CSMD3: variants seen among roughly 807,000 people sequenced by gnomAD.
CSMD3 encodes CUB and Sushi multiple domains 3.
In CSMD3, 177 loss-of-function variants were observed where a neutral mutation model predicts 435.2. The ratio of observed to expected loss-of-function variants is 0.41; its 90% CI spans 0.36 to 0.46. CSMD3 has a LOEUF of 0.46. CSMD3 is among the 20% of genes least tolerant of loss of function. The pLI is 0.34. For synonymous variants in CSMD3, 1,656 were observed against 1,520.5 expected (o/e 1.09, Z -2.07); for missense variants, 4,265 against 4,504.6 (o/e 0.95, Z 1.52).
At chr8:113,034,531 T>C (rs1230962375) in intron 5 of CSMD3, among the ~76,000 whole-genome samples, 1 of 152,116 alleles carries the variant, frequency 6.6e-6, no homozygotes, top group African/African-American at 2.4e-5. Context: ...GTGCTCCTGC[T>C]GTTGGTGGTG....
At chr8:113,015,526 C>T (rs1207716416) in intron 6 of CSMD3, among the ~76,000 whole-genome samples, 7 of 151,758 alleles carry the variant, frequency 4.6e-5, no homozygotes, top group Non-Finnish European at 8.8e-5. Flanking sequence ...CATATATTTA[C>T]ATATTTAAAA....
chr8:113,270,044 A>C (rs1303670460), intron 3 of CSMD3, among the ~76,000 whole-genome samples: 1 of 151,776 alleles, frequency 6.6e-6, no homozygotes, highest in Non-Finnish European at 1.5e-5. Context: ...GAATGGGAGA[A>C]AATTTTTGCA....
chr8:112,835,516 A>C (rs1423951508), intron 11 of CSMD3, among the ~76,000 whole-genome samples: 1 of 151,870 alleles, frequency 6.6e-6, no homozygotes, highest in Non-Finnish European at 1.5e-5. Flanking sequence ...TTGTCTGGGA[A>C]ATTAGGAATC....
In CSMD3 at chr8:112,937,352, GT is replaced by G. The variant is rs5894122; in HGVS notation, c.1508+10437del. ...TTTGTTTTTGGACCTAGGTAATAAT[GT>G]TTTTTTTTTTTTTTTGAGACAGAGT... On this transcript the variant is annotated intron_variant, in intron 9 of 70. Transcript: ENST00000297405. Among the ~76,000 whole-genome samples, 192 of 135,254 alleles carry G rather than the reference GT, an allele frequency of 1.4e-3. 1 individual carries two copies. In the East Asian group the frequency reaches 0.018, roughly 13 times the overall value. 88.7% of individuals were successfully genotyped at this position (135,254 alleles called of 152,430 possible). A position where few individuals can be genotyped will look rare whatever the true frequency, so the allele number is the denominator to read the frequency against.
chr8:112,310,205 T>A (rs572843562), intron 50 of CSMD3: 1 of 152,340 alleles, frequency 6.6e-6, no homozygotes, highest in Non-Finnish European at 1.5e-5. Context: ...AAAACAAGTC[T>A]TTTTGTTTTG....
intron 40 of CSMD3, among the ~76,000 whole-genome samples, chr8:112,348,278 T>A (rs1046747854): frequency 2.9e-4 from 44 of 152,230 alleles, no homozygotes; most frequent in African/African-American, 9.9e-4. Context: ...ACACTCTTTT[T>A]GTTAGGGACA....
chr8:113,386,766 T>G (rs901334871), intron 1 of CSMD3, among the ~76,000 whole-genome samples: 4 of 151,870 alleles, frequency 2.6e-5, no homozygotes, highest in East Asian at 1.9e-4. Flanking sequence ...ATAAGATTAC[T>G]GAGCCTCACT....
intron 10 of CSMD3, among the ~76,000 whole-genome samples, chr8:112,883,601 G>C (rs963509140): frequency 1.3e-5 from 2 of 151,792 alleles, no homozygotes; most frequent in Admixed American, 1.3e-4. Flanking sequence ...AAATTGTACA[G>C]AGAGTTCCCA....
At position 112,689,978 on chromosome 8, in the gene CSMD3, T is replaced by A. The variant is rs762971265; in HGVS notation, c.2045A>T (p.Asn682Ile). ...YGIREGDGFS[N>I]RDVLRFECQF... ...GCATTCAAACCTTAAAACATCACGA[T>A]TAGAAAATCCATCGCCTTCTCTAAT... The change falls in exon 14 of 71, where the codon AAT becomes ATT. Residue 682 changes from asparagine to isoleucine, a missense_variant. Coordinates refer to ENST00000297405, the MANE Select transcript of CSMD3 (RefSeq NM_198123.2). The A allele has an allele frequency of 6.2e-7, 1 of 1,613,224 alleles. No homozygotes were observed. Among genetic ancestry groups the A allele is most frequent in the Non-Finnish European group, 8.5e-7 (1 of 1,179,386 alleles).
At chr8:113,300,615 C>T (rs1408530656) in intron 2 of CSMD3, among the ~76,000 whole-genome samples, 2 of 152,034 alleles carry the variant, frequency 1.3e-5, no homozygotes, top group Non-Finnish European at 2.9e-5. Context: ...CATATTCTCA[C>T]TTGTAAGGAA....
chr8:112,926,341 C>A (rs1193113135), intron 9 of CSMD3, among the ~76,000 whole-genome samples: 1 of 151,892 alleles, frequency 6.6e-6, no homozygotes, highest in Non-Finnish European at 1.5e-5. Flanking sequence ...CAAGCTGTAT[C>A]CACTGAAATT....
chr8:113,288,440 T>G (rs1359496264), intron 2 of CSMD3, among the ~76,000 whole-genome samples: 1 of 151,884 alleles, frequency 6.6e-6, no homozygotes, highest in Non-Finnish European at 1.5e-5. Context: ...ACTAAAAATT[T>G]TCTTCAAAAG....
intron 13 of CSMD3, among the ~76,000 whole-genome samples, chr8:112,698,316 C>T (rs1043470686): frequency 2.0e-5 from 3 of 151,908 alleles, no homozygotes; most frequent in Admixed American, 2.0e-4. Context: ...ATGAATATAA[C>T]TAGATATAAA....
At chr8:112,892,091 T>C (rs931401760) in intron 10 of CSMD3, among the ~76,000 whole-genome samples, 13 of 151,642 alleles carry the variant, frequency 8.6e-5, no homozygotes, top group African/African-American at 2.9e-4. Context: ...TTATTAGAAA[T>C]CCATGTATTT....
At chr8:112,502,710 T>G (rs1822098579) in intron 30 of CSMD3, among the ~76,000 whole-genome samples, 1 of 152,176 alleles carries the variant, frequency 6.6e-6, no homozygotes, top group African/African-American at 2.4e-5. Context: ...GAAGCAAATA[T>G]AGCACAGTGT....
chr8:113,166,208 A>G (rs2092145698), intron 4 of CSMD3, among the ~76,000 whole-genome samples: 1 of 152,072 alleles, frequency 6.6e-6, no homozygotes, highest in South Asian at 2.1e-4. Flanking sequence ...GAGTTTTTAA[A>G]ATATATGAGT....
At chr8:113,204,372 A>T (rs2092747793) in intron 3 of CSMD3, among the ~76,000 whole-genome samples, 1 of 152,150 alleles carries the variant, frequency 6.6e-6, no homozygotes, top group Non-Finnish European at 1.5e-5. Context: ...ATTTTTTAAC[A>T]AAATAAGGTA....
chr8:113,136,985 A>C (rs923482375), intron 4 of CSMD3, among the ~76,000 whole-genome samples: 4 of 151,704 alleles, frequency 2.6e-5, no homozygotes, highest in African/African-American at 7.2e-5. Flanking sequence ...ATTTGTGTAT[A>C]GATATTGAGA....
At chr8:113,247,147 C>G (rs2093284212) in intron 3 of CSMD3, among the ~76,000 whole-genome samples, 1 of 152,166 alleles carries the variant, frequency 6.6e-6, no homozygotes, top group Non-Finnish European at 1.5e-5. Flanking sequence ...TTTGACTAGT[C>G]TCTTGTTTGT....
Sources: gnomAD v4.1 joint callset for allele counts (sites outside exome capture counted in the v4.1 genomes callset) on GRCh38, gnomAD v4.1.1 for gene constraint, MANE v1.5 for transcripts, NCBI Gene and HGNC (gene_info 2026-07-23, HGNC 2026-07-21) for gene names.